BMP7: variants seen among roughly 807,000 people sequenced by gnomAD.
BMP7 encodes osteogenic protein 1.
In BMP7, 12 loss-of-function variants were observed where a neutral mutation model predicts 41.2. That is an observed-to-expected ratio of 0.29 (90% CI 0.19 to 0.47). The LOEUF is 0.47. BMP7 is among the 20% of genes least tolerant of loss of function. The pLI, the probability that BMP7 is intolerant of heterozygous loss-of-function variation, is 0.99. For missense variants in BMP7, 467 were observed against 606.0 expected (o/e 0.77, Z 2.41); for synonymous variants, 248 against 250.0 (o/e 0.99, Z 0.07).
At chr20:57,229,978 A>G (rs925310749) in intron 1 of BMP7, among the ~76,000 whole-genome samples, 8 of 152,228 alleles carry the variant, frequency 5.3e-5, no homozygotes, top group African/African-American at 1.9e-4. Flanking sequence ...GTTCCCTCTC[A>G]GGAAGAAGGG....
At chr20:57,182,437 G>A (rs1020212987) in intron 4 of BMP7, among the ~76,000 whole-genome samples, 1 of 152,254 alleles carries the variant, frequency 6.6e-6, no homozygotes, top group African/African-American at 2.4e-5. Context: ...CCAGTGCCCG[G>A]GACAAAGCCA....
Position 57,173,192 on chromosome 20 carries a change from A to C in BMP7, c.1146+8T>G, listed in dbSNP as rs1214784230. On this transcript the variant is annotated splice_region_variant and intron_variant, in intron 6 of 6. Coordinates refer to ENST00000395863, the MANE Select transcript of BMP7 (RefSeq NM_001719.3). ...GGTGACCACACCCCAAGATGGCGTG[A>C]CACCCACCAGCGTCTGCACGATGGC... is the stretch of plus-strand genomic sequence containing the variant. 8 of 1,613,160 alleles carry C rather than the reference A, an allele frequency of 5.0e-6. No homozygotes were observed. Among genetic ancestry groups the C allele is most frequent in the Non-Finnish European group, 6.8e-6 (8 of 1,179,130 alleles).
rs2146033281 is a variant in BMP7 at position 57,261,417 on chromosome 20, A to G, written c.418+4288T>C. Among the ~76,000 whole-genome samples, 1 of 152,356 alleles carries G rather than the reference A, an allele frequency of 6.6e-6. No homozygotes were observed. The highest frequency in any genetic ancestry group is 1.5e-5 in the Non-Finnish European group (1 of 68,042). ...ACCAAAAACAGCCACCCAAGTTGGC[A>G]TCCAGGGCTCAGCCTTACCCTGCCT... On this transcript the variant is annotated intron_variant, in intron 1 of 6. Transcript: ENST00000395863. The surrounding 1 kb of genome is among the most constrained non-coding windows in gnomAD (Gnocchi z 4.1).
Position 57,228,463 on chromosome 20 carries a change from T to A in BMP7, c.419-42A>T, listed in dbSNP as rs754970222. On this transcript the variant is annotated intron_variant, in intron 1 of 6. Coordinates refer to ENST00000395863, the MANE Select transcript of BMP7 (RefSeq NM_001719.3). This position sits in a 1 kb window ranked among gnomAD's most constrained non-coding sequence, Gnocchi z 4.5. The stretch of plus-strand genomic sequence containing the variant: ...ACACACACCAACACCGACAGCTCAT[T>A]AGTGTCTGGGTTTCACTCTCTGGCT... 1.0e-5 allele frequency: 16 copies of A among 1,603,302 alleles called. No homozygotes were observed. The Admixed American group carries it at 1.7e-4, about 17-fold the overall frequency.
intron 1 of BMP7, among the ~76,000 whole-genome samples, chr20:57,248,857 G>T (rs1031928716): frequency 6.6e-6 from 1 of 152,038 alleles, no homozygotes; most frequent in African/African-American, 2.4e-5. Flanking sequence ...GGAGTGCAGT[G>T]GTGTGATCTC....
intron 2 of BMP7, among the ~76,000 whole-genome samples, chr20:57,227,232 T>G (rs2426700): frequency 1.5e-4 from 23 of 152,044 alleles, no homozygotes; most frequent in African/African-American, 5.6e-4. Flanking sequence ...GTAGCCTCAT[T>G]CTTTGGCTTC....
chr20:57,173,436 T>G (rs1832933287), intron 5 of BMP7, 126 bp from the exon 6 acceptor site: 2 of 913,550 alleles, frequency 2.2e-6, no homozygotes, highest in Admixed American at 4.0e-5. Flanking sequence ...AGACCATGCC[T>G]TCTGAGCAGC....
chr20:57,174,925 C>T lies in BMP7; in HGVS notation c.1035+6G>A, dbSNP rs114761082. On this transcript the variant is annotated splice_donor_region_variant and intron_variant, in intron 5 of 6. Coordinates refer to ENST00000395863, the MANE Select transcript of BMP7 (RefSeq NM_001719.3). The surrounding 1 kb of genome is among the most constrained non-coding windows in gnomAD (Gnocchi z 4.3). ...ACACCCAAGACAGACCCAGCCAGCC[C>T]CTTACCTGCCAGCCCAGGTCTCGGA... The T allele has an allele frequency of 1.2e-3, 1,967 of 1,610,326 alleles. 21 individuals are homozygous for T. In the African/African-American group the frequency reaches 0.02, roughly 16 times the overall value.
At chr20:57,226,827 T>A (rs1216649029) in intron 2 of BMP7, among the ~76,000 whole-genome samples, 1 of 149,586 alleles carries the variant, frequency 6.7e-6, no homozygotes, top group Non-Finnish European at 1.5e-5. Flanking sequence ...TCAAAAACTT[T>A]TTTTTTTTTT....
intron 1 of BMP7, among the ~76,000 whole-genome samples, chr20:57,235,398 A>T (rs1568725030): frequency 6.6e-6 from 1 of 152,198 alleles, no homozygotes; most frequent in Non-Finnish European, 1.5e-5. Context: ...TCTGGGTCAG[A>T]GGGTAGGCAC....
chr20:57,254,036 T>G (rs913455841), intron 1 of BMP7, among the ~76,000 whole-genome samples: 2 of 143,516 alleles, frequency 1.4e-5, no homozygotes, highest in African/African-American at 2.6e-5. Flanking sequence ...TTTTTTTTTT[T>G]TTTTTTGAGA....
chr20:57,185,480 A>C (rs747381202), intron 3 of BMP7, among the ~76,000 whole-genome samples: 1 of 152,242 alleles, frequency 6.6e-6, no homozygotes, highest in Non-Finnish European at 1.5e-5. Flanking sequence ...CCCTGGAAGA[A>C]GGGAGGGACT....
chr20:57,190,792 C>T (rs1458684685), intron 3 of BMP7, among the ~76,000 whole-genome samples: 2 of 152,190 alleles, frequency 1.3e-5, no homozygotes, highest in East Asian at 3.9e-4. Context: ...GGATGGTCTC[C>T]TGCACCCACT....
intron 4 of BMP7, among the ~76,000 whole-genome samples, chr20:57,176,503 T>C (rs1478757845): frequency 6.6e-6 from 1 of 151,888 alleles, no homozygotes; most frequent in Non-Finnish European, 1.5e-5. Flanking sequence ...CCCTTAGAGG[T>C]GTAGACCCTG....
intron 3 of BMP7, among the ~76,000 whole-genome samples, chr20:57,186,187 G>A (rs757982463): frequency 7.2e-5 from 11 of 152,360 alleles, no homozygotes; most frequent in Non-Finnish European, 1.0e-4. Context: ...GACAAGCAAT[G>A]TGAAGGTGGC....
intron 1 of BMP7, among the ~76,000 whole-genome samples, chr20:57,229,120 C>T (rs1033010088): frequency 2.0e-5 from 3 of 152,164 alleles, no homozygotes; most frequent in Non-Finnish European, 4.4e-5. Flanking sequence ...CTGACTACAC[C>T]GTGTAAATAC....
chr20:57,225,241 G>A (rs1985284154), intron 2 of BMP7, among the ~76,000 whole-genome samples: 2 of 152,196 alleles, frequency 1.3e-5, no homozygotes, highest in Non-Finnish European at 2.9e-5. Flanking sequence ...TGGAGGAAGC[G>A]TGGGGGATTT....
intron 3 of BMP7, among the ~76,000 whole-genome samples, chr20:57,189,092 A>G (rs919084786): frequency 3.3e-5 from 5 of 152,208 alleles, no homozygotes; most frequent in African/African-American, 1.2e-4. Context: ...TGGGGAGGGG[A>G]CAACTTCTTC....
chr20:57,251,644 A>G (rs1051661692), intron 1 of BMP7, among the ~76,000 whole-genome samples: 3 of 152,180 alleles, frequency 2.0e-5, no homozygotes, highest in African/African-American at 7.2e-5. Context: ...TAAAAAACTC[A>G]GGCTTTTGGC....
Sources: allele counts gnomAD v4.1 joint callset (sites outside exome capture counted in the v4.1 genomes callset), GRCh38; gene constraint gnomAD v4.1.1; non-coding constraint Gnocchi (gnomAD v3.1); transcripts MANE v1.5; gene names NCBI Gene and HGNC (gene_info 2026-07-23, HGNC 2026-07-21).